Variants in GNA13 observed in about 807,000 individuals in gnomAD.
The protein encoded by GNA13 is G protein subunit alpha 13.
A neutral mutation model predicts 33.5 loss-of-function variants in GNA13; 4 were observed. The observed-to-expected ratio is 0.12, with a 90% CI of 0.06 to 0.27. GNA13 has a LOEUF of 0.27. Ranked by LOEUF, GNA13 falls within the 10% of genes least tolerant of loss-of-function variation. The probability of loss-of-function intolerance (pLI) is 1.00; values close to 1 mark genes in which losing one functional copy is unlikely to be tolerated. For synonymous variants in GNA13, 176 were observed against 183.8 expected, an observed-to-expected ratio of 0.96 and a Z score of 0.34; for missense variants, 319 against 487.2, an observed-to-expected ratio of 0.65 and a Z score of 3.25.
At chr17:65,053,954 C>T (rs887622932) in intron 1 of GNA13, among the ~76,000 whole-genome samples, 10 of 152,160 alleles carry the variant, frequency 6.6e-5, no homozygotes, top group African/African-American at 2.4e-4. Flanking sequence ...ACTATTAGCA[C>T]AATTCCTCTC....
rs983245020 is a variant in GNA13 at position 65,011,937 on chromosome 17, T to C, written c.*2320A>G. ...ATACAACGTATAAAAAAATGTGGAC[T>C]GAAGCCTTTAGATTGAACTTAAAGT... On this transcript the variant is annotated 3_prime_UTR_variant, in exon 4 of 4. Coordinates refer to ENST00000439174, the MANE Select transcript of GNA13 (RefSeq NM_006572.6). The C allele has an allele frequency of 4.9e-5, 11 of 225,470 alleles. No homozygotes were observed. Among genetic ancestry groups the C allele is most frequent in the Non-Finnish European group, 7.9e-5 (9 of 113,342 alleles). 14.0% of individuals were successfully genotyped at this position (225,470 alleles called of 1,614,324 possible).
chr17:65,028,407 C>CAA (rs1184832409), intron 2 of GNA13, among the ~76,000 whole-genome samples: 26 of 54,094 alleles, frequency 4.8e-4, no homozygotes, highest in East Asian at 2.5e-3. Context: ...AGGCTGTCTC[C>CAA]AAAAAAAAAA....
chr17:65,048,558 A>G (rs1907751784), intron 2 of GNA13, among the ~76,000 whole-genome samples: 1 of 152,218 alleles, frequency 6.6e-6, no homozygotes, highest in African/African-American at 2.4e-5. Flanking sequence ...GAGAATGTGA[A>G]TCTTGTATTT....
chr17:65,052,064 C>G (rs1268967275), intron 2 of GNA13: 1 of 152,218 alleles, frequency 6.6e-6, no homozygotes, highest in African/African-American at 2.4e-5. Context: ...ATAATAACAG[C>G]AAGGACTGCT....
Position 65,030,696 on chromosome 17 carries a change from G to A in GNA13, c.511-12393C>T, listed in dbSNP as rs563631299. On this transcript the variant is annotated intron_variant, in intron 2 of 3. Coordinates refer to ENST00000439174, the MANE Select transcript of GNA13 (RefSeq NM_006572.6). ...TGAAAAAAACAAGCCAACTATAAAG[G>A]ACAAAATAAAGTGAATTAAAAAGTT... Among the ~76,000 whole-genome samples, 26 of 152,228 alleles carry A rather than the reference G, an allele frequency of 1.7e-4. No individual in the cohort carries two copies. The South Asian group carries it at 5.2e-3, about 30-fold the overall frequency.
At chr17:65,034,859 C>A (rs1056290672) in intron 2 of GNA13, among the ~76,000 whole-genome samples, 5 of 152,120 alleles carry the variant, frequency 3.3e-5, no homozygotes, top group Non-Finnish European at 5.9e-5. Flanking sequence ...GATCTCAGCT[C>A]ACTGAAACCT....
intron 1 of GNA13, among the ~76,000 whole-genome samples, chr17:65,054,899 A>G (rs1457771909): frequency 2.0e-5 from 3 of 152,230 alleles, no homozygotes; most frequent in African/African-American, 4.8e-5. Flanking sequence ...GCTAAACATT[A>G]CAGCAGGATA....
intron 2 of GNA13, among the ~76,000 whole-genome samples, chr17:65,031,076 G>C (rs1906986985): frequency 6.6e-6 from 1 of 152,058 alleles, no homozygotes; most frequent in Non-Finnish European, 1.5e-5. Context: ...TCTTTATAGA[G>C]AACCAACCAA....
At chr17:65,041,436 C>T (rs1907449749) in intron 2 of GNA13, among the ~76,000 whole-genome samples, 1 of 151,804 alleles carries the variant, frequency 6.6e-6, no homozygotes, top group African/African-American at 2.4e-5. Flanking sequence ...ATTCTCTAGA[C>T]TTTTTAGTTG....
chr17:65,031,183 T>A (rs537636427), intron 2 of GNA13, among the ~76,000 whole-genome samples: 3 of 152,244 alleles, frequency 2.0e-5, no homozygotes, highest in African/African-American at 7.2e-5. Context: ...GCTACAAAGC[T>A]GTACAGCACG....
chr17:65,015,741 G>C (rs114576022), intron 3 of GNA13, among the ~76,000 whole-genome samples: 5,018 of 148,534 alleles, frequency 0.034, 301 homozygotes, highest in African/African-American at 0.12. Flanking sequence ...CCAGTTCCAA[G>C]TTCTGCCCAC....
At chr17:65,040,831 C>CTT (rs1384983210) in intron 2 of GNA13, among the ~76,000 whole-genome samples, 2 of 152,150 alleles carry the variant, frequency 1.3e-5, no homozygotes, top group African/African-American at 2.4e-5. Flanking sequence ...TGAATAGCAA[C>CTT]TTTATCTGTC....
chr17:65,025,505 A>G (rs1906744489), intron 2 of GNA13, among the ~76,000 whole-genome samples: 1 of 152,230 alleles, frequency 6.6e-6, no homozygotes, highest in Non-Finnish European at 1.5e-5. Flanking sequence ...CAGATGTAAC[A>G]TTACTGAACG....
At chr17:65,029,836 A>C (rs1460029682) in intron 2 of GNA13, among the ~76,000 whole-genome samples, 1 of 152,114 alleles carries the variant, frequency 6.6e-6, no homozygotes, top group East Asian at 1.9e-4. Context: ...CAAATGTCAG[A>C]GTTGTCACAA....
chr17:65,045,702 T>C (rs1907635898), intron 2 of GNA13, among the ~76,000 whole-genome samples: 1 of 152,146 alleles, frequency 6.6e-6, no homozygotes, highest in Non-Finnish European at 1.5e-5. Flanking sequence ...CTTATATCGT[T>C]ACTATAATAA....
At chr17:65,015,275 C>T (rs1199331264) in intron 3 of GNA13, among the ~76,000 whole-genome samples, 1 of 152,184 alleles carries the variant, frequency 6.6e-6, no homozygotes, top group Non-Finnish European at 1.5e-5. Flanking sequence ...CACCTGCAAT[C>T]TTACTCCCCA....
intron 2 of GNA13, among the ~76,000 whole-genome samples, chr17:65,019,320 C>T (rs2143774698): frequency 6.6e-6 from 1 of 152,156 alleles, no homozygotes; most frequent in East Asian, 1.9e-4. Context: ...TAGGTATATA[C>T]CCAAAAGAAA....
At chr17:65,021,482 T>C (rs985545925) in intron 2 of GNA13, among the ~76,000 whole-genome samples, 2 of 152,252 alleles carry the variant, frequency 1.3e-5, no homozygotes, top group African/African-American at 4.8e-5. Flanking sequence ...TAATTTCTAT[T>C]AAATTCATAG....
At chr17:65,038,180 A>G (rs1370360213) in intron 2 of GNA13, among the ~76,000 whole-genome samples, 3 of 152,178 alleles carry the variant, frequency 2.0e-5, no homozygotes, top group Non-Finnish European at 4.4e-5. Flanking sequence ...CGAGGCAGAC[A>G]GATCACAAGG....
Sources: gnomAD v4.1 joint callset for allele counts (sites outside exome capture counted in the v4.1 genomes callset) on GRCh38, gnomAD v4.1.1 for gene constraint, MANE v1.5 for transcripts, NCBI Gene and HGNC (gene_info 2026-07-23, HGNC 2026-07-21) for gene names.